MAPK10: variants seen among roughly 807,000 people sequenced by gnomAD.
The protein encoded by MAPK10 is JNK3 alpha protein kinase.
In MAPK10, 25 loss-of-function variants were observed where a neutral mutation model predicts 59.3. The ratio of observed to expected loss-of-function variants is 0.42; its 90% confidence interval spans 0.31 to 0.59. The LOEUF (loss-of-function observed/expected upper bound fraction) is 0.59. Ranked by LOEUF, MAPK10 falls within the 20% of genes least tolerant of loss-of-function variation. MAPK10 has a pLI of 0.15. For synonymous variants in MAPK10, 190 were observed against 200.5 expected (o/e 0.95, Z 0.44); for missense variants, 351 against 568.9 (o/e 0.62, Z 3.90).
chr4:86,068,114 G>A (rs1385251690), intron 9 of MAPK10, among the ~76,000 whole-genome samples, 159 bp from the exon 10 acceptor site: 2 of 152,192 alleles, frequency 1.3e-5, no homozygotes, highest in African/African-American at 2.4e-5. Context: ...TGCAGGCTAT[G>A]AGTCTTCTTG....
chr4:86,504,452 A>G (rs1755568566), intron 1 of MAPK10, among the ~76,000 whole-genome samples: 1 of 152,150 alleles, frequency 6.6e-6, no homozygotes. Context: ...TTACTTTAAA[A>G]TGTATTAATT....
At chr4:86,150,068 G>A (rs979303206) in intron 4 of MAPK10, among the ~76,000 whole-genome samples, 2 of 152,200 alleles carry the variant, frequency 1.3e-5, no homozygotes, top group African/African-American at 4.8e-5. Flanking sequence ...CCCACTGACT[G>A]ATGGGTAGAT....
intron 9 of MAPK10, among the ~76,000 whole-genome samples, chr4:86,075,606 T>C (rs1312810172): frequency 3.9e-5 from 6 of 152,182 alleles, no homozygotes; most frequent in Non-Finnish European, 5.9e-5. Flanking sequence ...TAGTTTTCCT[T>C]CTAACAGACA....
chr4:86,229,266 C>T lies in MAPK10; in HGVS notation c.-6-34859G>A, dbSNP rs534930323. On this transcript the variant is annotated intron_variant, in intron 2 of 13. Coordinates refer to ENST00000641462, the MANE Select transcript of MAPK10 (RefSeq NM_138982.4). ...ATTAAAATATTTTACTGCCCACACCCCCAATACATCAATTATACACCATTA... is the reference window on the plus strand; with the variant it reads ...ATTAAAATATTTTACTGCCCACACCTCCAATACATCAATTATACACCATTA... Among the ~76,000 whole-genome samples, 15 of 152,188 alleles carry T rather than the reference C, an allele frequency of 9.9e-5. No individual in the cohort carries two copies. In the South Asian group the frequency reaches 3.1e-3, roughly 32 times the overall value.
At chr4:86,148,647 G>C (rs1020371783) in intron 4 of MAPK10, among the ~76,000 whole-genome samples, 1 of 152,146 alleles carries the variant, frequency 6.6e-6, no homozygotes, top group African/African-American at 2.4e-5. Context: ...AAGAAACTAT[G>C]ACTCCGTAAT....
chr4:86,350,976 AT>A (rs532385426), intron 2 of MAPK10, among the ~76,000 whole-genome samples: 7 of 152,094 alleles, frequency 4.6e-5, no homozygotes, highest in East Asian at 1.9e-4. Context: ...ATTTCTTTGC[AT>A]TTTTTTGCAG....
chr4:86,335,708 G>A (rs1304372443), intron 2 of MAPK10, among the ~76,000 whole-genome samples: 1 of 152,052 alleles, frequency 6.6e-6, no homozygotes, highest in African/African-American at 2.4e-5. Flanking sequence ...ATGGCTGGGA[G>A]GCCTCAGGAA....
At chr4:86,527,176 T>C (rs1757521259) in intron 1 of MAPK10, among the ~76,000 whole-genome samples, 1 of 151,596 alleles carries the variant, frequency 6.6e-6, no homozygotes, top group African/African-American at 2.4e-5. Flanking sequence ...TAGCCAGGCA[T>C]TGTGGCACAA....
intron 2 of MAPK10, among the ~76,000 whole-genome samples, chr4:86,205,757 C>G (rs1475169034): frequency 6.6e-6 from 1 of 151,824 alleles, no homozygotes; most frequent in Non-Finnish European, 1.5e-5. Flanking sequence ...GATATCATTT[C>G]AAATCTATTC....
intron 2 of MAPK10, among the ~76,000 whole-genome samples, chr4:86,318,888 T>C (rs1302685133): frequency 1.3e-5 from 2 of 148,808 alleles, no homozygotes; most frequent in Non-Finnish European, 3.0e-5. Flanking sequence ...TCTCTCTCCA[T>C]AGCACTTCTT....
chr4:86,163,493 G>C (rs1024186704), intron 3 of MAPK10, among the ~76,000 whole-genome samples: 1 of 152,046 alleles, frequency 6.6e-6, no homozygotes, highest in Non-Finnish European at 1.5e-5. Context: ...TGTTTCCTGA[G>C]TTCAAGTCAT....
intron 9 of MAPK10, among the ~76,000 whole-genome samples, chr4:86,077,800 T>C (rs1163948795): frequency 6.6e-6 from 1 of 152,200 alleles, no homozygotes; most frequent in Non-Finnish European, 1.5e-5. Flanking sequence ...AATGTCGTTA[T>C]AGAATAGTTC....
At chr4:86,232,052 A>G (rs1177024881) in intron 2 of MAPK10, among the ~76,000 whole-genome samples, 1 of 152,230 alleles carries the variant, frequency 6.6e-6, no homozygotes, top group Non-Finnish European at 1.5e-5. Flanking sequence ...CATAGTCAAT[A>G]TTTTAGACTT....
intron 1 of MAPK10, among the ~76,000 whole-genome samples, chr4:86,534,001 G>T (rs996971430): frequency 2.0e-5 from 3 of 152,096 alleles, no homozygotes; most frequent in Non-Finnish European, 4.4e-5. Flanking sequence ...TAAAGACACA[G>T]CCCTCTTCTA....
In MAPK10 at chr4:86,059,485, T is replaced by C. The variant is rs555475338; in HGVS notation, c.1110+4781A>G. Among the ~76,000 whole-genome samples the C allele has an allele frequency of 1.9e-4, 29 of 152,336 alleles. 1 individual carries two copies. In the South Asian group the frequency reaches 5.4e-3, roughly 28 times the overall value. On this transcript the variant is annotated intron_variant, in intron 11 of 13. Coordinates refer to ENST00000641462, the MANE Select transcript of MAPK10 (RefSeq NM_138982.4). ...CATGTTTCTTAAGTGTTTATTTTAA[T>C]TGAACTTCAGCACTAATACATGTAA...
chr4:86,140,529 A>C (rs1428791783), intron 4 of MAPK10, among the ~76,000 whole-genome samples: 1 of 99,906 alleles, frequency 1.0e-5, no homozygotes, highest in African/African-American at 4.7e-5. Context: ...TCTGGGGACT[A>C]TTGTGGGGTG....
chr4:86,548,432 A>G (rs1244232355), intron 1 of MAPK10, among the ~76,000 whole-genome samples: 1 of 152,144 alleles, frequency 6.6e-6, no homozygotes, highest in African/African-American at 2.4e-5. Flanking sequence ...GAACCCACCA[A>G]TTCCGGACAC....
At chr4:86,337,287 G>T (rs2148929113) in intron 2 of MAPK10, among the ~76,000 whole-genome samples, 1 of 152,230 alleles carries the variant, frequency 6.6e-6, no homozygotes, top group African/African-American at 2.4e-5. Context: ...TAGAAGTCTT[G>T]CCATAGATTA....
intron 2 of MAPK10, among the ~76,000 whole-genome samples, chr4:86,306,094 C>A (rs1253081090): frequency 1.3e-5 from 2 of 152,118 alleles, no homozygotes; most frequent in Non-Finnish European, 2.9e-5. Context: ...TATTTATGAT[C>A]ATTATATCTA....
Sources: gnomAD v4.1 joint callset for allele counts (sites outside exome capture counted in the v4.1 genomes callset) on GRCh38, gnomAD v4.1.1 for gene constraint, MANE v1.5 for transcripts, NCBI Gene and HGNC (gene_info 2026-07-23, HGNC 2026-07-21) for gene names.